The following TENM4 variants were observed in gnomAD, a reference collection of about 807,000 sequenced individuals.
TENM4 encodes teneurin transmembrane protein 4, also known as teneurin-4.
In TENM4, 82 loss-of-function variants were observed where a neutral mutation model predicts 243.3. That is an observed-to-expected ratio of 0.34 (90% CI 0.28 to 0.40). TENM4 has a LOEUF of 0.40. TENM4 is among the 10% of genes least tolerant of loss of function. The pLI is 1.00. For missense variants in TENM4, 3,138 were observed against 3,673.3 expected (o/e 0.85, Z 3.77); for synonymous variants, 1,412 against 1,456.3 (o/e 0.97, Z 0.69).
At chr11:78,771,210 C>T in intron 17 of TENM4, 72 bp from the exon 18 acceptor site, 1 of 1,523,394 alleles carries the variant, frequency 6.6e-7, no homozygotes, top group Non-Finnish European at 8.9e-7. Flanking sequence ...TAACACGCTA[C>T]CTGCCAACTT....
At chr11:78,923,535 T>C (rs1263706356) in intron 6 of TENM4, among the ~76,000 whole-genome samples, 1 of 151,854 alleles carries the variant, frequency 6.6e-6, no homozygotes, top group Admixed American at 6.6e-5. Flanking sequence ...TTATTTGTTT[T>C]TATTTTTATT....
rs774471216 is a variant in TENM4 at position 78,672,376 on chromosome 11, G to C, written c.5497-47C>G. The C allele has an allele frequency of 4.4e-6, 7 of 1,573,854 alleles. No homozygotes were observed. In the South Asian group the frequency reaches 8.4e-5, roughly 19 times the overall value. ...AAGAGAAAATTAATCTGGACCATGA[G>C]AACTTTGGTCTGATGGGCCACGTTG... is the stretch of plus-strand genomic sequence containing the variant. On this transcript the variant is annotated intron_variant, in intron 30 of 33. Transcript: ENST00000278550.
rs546397045 is a variant in TENM4 at position 78,932,943 on chromosome 11, G to A, written c.494-29420C>T. ...ACAGGCCACGGTCCGGTACAGGTTC[G>A]CGGCCCAGGGTTGGGGACTCTTGCT... On this transcript the variant is annotated intron_variant, in intron 6 of 33. Transcript: ENST00000278550. Among the ~76,000 whole-genome samples the A allele has an allele frequency of 3.0e-4, 45 of 152,264 alleles. 1 individual carries two copies. The highest frequency in any genetic ancestry group is 1.2e-3 in the South Asian group (6 of 4,818).
intron 4 of TENM4, chr11:79,093,513 G>C (rs1801841959): frequency 6.6e-6 from 1 of 152,266 alleles, no homozygotes; most frequent in African/African-American, 2.4e-5. Context: ...TACAGCCTCT[G>C]ATCATCTGCT....
chr11:79,014,627 T>C (rs967849516), intron 6 of TENM4: 11 of 152,234 alleles, frequency 7.2e-5, no homozygotes, highest in South Asian at 4.1e-4. Context: ...CCAGGGCTCT[T>C]CTGCTTAGAG....
chr11:79,202,676 G>A (rs1301358095), intron 3 of TENM4, among the ~76,000 whole-genome samples: 1 of 152,152 alleles, frequency 6.6e-6, no homozygotes, highest in African/African-American at 2.4e-5. Context: ...GAGAGTCAAG[G>A]TGATGGTGGA....
At chr11:78,795,464 G>A (rs1857141992) in intron 15 of TENM4, among the ~76,000 whole-genome samples, 1 of 152,234 alleles carries the variant, frequency 6.6e-6, no homozygotes, top group Non-Finnish European at 1.5e-5. Context: ...AACAAATACT[G>A]CACACCTTTG....
At chr11:78,708,051 C>T (rs532880175) in intron 27 of TENM4, among the ~76,000 whole-genome samples, 1 of 152,332 alleles carries the variant, frequency 6.6e-6, no homozygotes, top group African/African-American at 2.4e-5. Context: ...AGAGGAAGTT[C>T]AGGTGGCAAT....
At chr11:79,382,118 C>A (rs1434670580) in intron 1 of TENM4, among the ~76,000 whole-genome samples, 1 of 152,194 alleles carries the variant, frequency 6.6e-6, no homozygotes, top group Non-Finnish European at 1.5e-5. Flanking sequence ...AATAGCAAAT[C>A]AGATAGGTAC....
At chr11:78,825,166 T>C (rs1414981170) in intron 12 of TENM4, among the ~76,000 whole-genome samples, 1 of 152,198 alleles carries the variant, frequency 6.6e-6, no homozygotes, top group African/African-American at 2.4e-5. Context: ...GCTTTAGCCT[T>C]TAGAGTCACT....
rs545446084 is a variant in TENM4 at position 79,335,546 on chromosome 11, A to G, written c.-320-38003T>C. On this transcript the variant is annotated intron_variant, in intron 1 of 33. Transcript: ENST00000278550. Reference sequence around the variant, plus strand: ...TCCTACTCAGCTTAGGGGGAAAGGCAAAGTTTGAAGTCAGGATTGAAGACT... The same window carrying G: ...TCCTACTCAGCTTAGGGGGAAAGGCGAAGTTTGAAGTCAGGATTGAAGACT... Among the ~76,000 whole-genome samples, 185 of 152,306 alleles carry G rather than the reference A, an allele frequency of 1.2e-3. 1 individual carries two copies. Among genetic ancestry groups the G allele is most frequent in the African/African-American group, 4.3e-3 (179 of 41,568 alleles).
At chr11:79,010,749 CAT>C in intron 6 of TENM4, among the ~76,000 whole-genome samples, 1 of 152,268 alleles carries the variant, frequency 6.6e-6, no homozygotes, top group East Asian at 1.9e-4. Context: ...CCTCCAACAA[CAT>C]GTGGGAATTC....
intron 3 of TENM4, among the ~76,000 whole-genome samples, chr11:79,199,988 C>T (rs995495766): frequency 2.0e-5 from 3 of 152,168 alleles, no homozygotes; most frequent in Non-Finnish European, 2.9e-5. Flanking sequence ...ACCAAGGTCA[C>T]GGTGAGGCTG....
chr11:79,238,667 T>C (rs556154324), intron 2 of TENM4, among the ~76,000 whole-genome samples: 1 of 144,570 alleles, frequency 6.9e-6, no homozygotes, highest in Admixed American at 6.7e-5. Flanking sequence ...AATCTCTTTC[T>C]CTCTCTCTCT....
intron 1 of TENM4, among the ~76,000 whole-genome samples, chr11:79,313,816 G>A (rs1481317706): frequency 6.6e-6 from 1 of 152,110 alleles, no homozygotes; most frequent in Admixed American, 6.5e-5. Flanking sequence ...CCACTGTCTT[G>A]GGACAGATAC....
At chr11:78,852,469 G>T (rs950667882) in intron 12 of TENM4, among the ~76,000 whole-genome samples, 21 of 152,126 alleles carry the variant, frequency 1.4e-4, no homozygotes, top group Admixed American at 3.9e-4. Flanking sequence ...CGGCTCACTT[G>T]AGCCCAAGAG....
At chr11:79,343,940 A>C (rs549078637) in intron 1 of TENM4, among the ~76,000 whole-genome samples, 6 of 152,310 alleles carry the variant, frequency 3.9e-5, no homozygotes, top group Non-Finnish European at 8.8e-5. Context: ...CAAAGAACAT[A>C]GATGGGGTCT....
At chr11:79,064,162 A>G (rs76371292) in intron 6 of TENM4, among the ~76,000 whole-genome samples, 3,305 of 152,234 alleles carry the variant, frequency 0.022, 39 homozygotes, top group Non-Finnish European at 0.034. Flanking sequence ...ATTATTAACT[A>G]TAGTCACCAT....
chr11:79,264,570 C>T (rs1855852073), intron 2 of TENM4, among the ~76,000 whole-genome samples: 3 of 152,104 alleles, frequency 2.0e-5, no homozygotes, highest in Non-Finnish European at 4.4e-5. Context: ...CTCTTCCCCT[C>T]AGTGTTGTTT....
Sources: gnomAD v4.1 joint callset for allele counts (sites outside exome capture counted in the v4.1 genomes callset) on GRCh38, gnomAD v4.1.1 for gene constraint, MANE v1.5 for transcripts, NCBI Gene and HGNC (gene_info 2026-07-23, HGNC 2026-07-21) for gene names.